The following IL5RA variants were observed in gnomAD, a reference collection of about 807,000 sequenced individuals.
IL5RA encodes interleukin 5 receptor subunit alpha.
Under a neutral mutation model 50.0 loss-of-function variants are expected in IL5RA, and 49 were observed. The observed-to-expected ratio is 0.98, with a 90% CI of 0.78 to 1.24. IL5RA has a LOEUF of 1.24. IL5RA is among the 50% of genes most tolerant of loss of function. The probability of loss-of-function intolerance (pLI) is 0.00; values close to 1 mark genes in which losing one functional copy is unlikely to be tolerated. For synonymous variants in IL5RA, 202 were observed against 174.0 expected (o/e 1.16, Z -1.26); for missense variants, 600 against 500.4 (o/e 1.20, Z -1.90).
chr3:3,087,330 C>T (rs956675922), intron 9 of IL5RA, among the ~76,000 whole-genome samples: 4 of 152,142 alleles, frequency 2.6e-5, no homozygotes, highest in Admixed American at 6.5e-5. Context: ...TAACTATACC[C>T]CCTCCCTGCT....
In IL5RA at chr3:3,095,163, A is replaced by G. The variant is rs1386581278; in HGVS notation, c.855+136T>C. ...TTATATCTATTTGGTTATATCTATAATACCTGGGTAGATTAAGTTAACTTT... is the reference window on the plus strand; with the variant it reads ...TTATATCTATTTGGTTATATCTATAGTACCTGGGTAGATTAAGTTAACTTT... On this transcript the variant is annotated intron_variant, in intron 8 of 11. Transcript: ENST00000446632. 4.7e-6 allele frequency: 3 copies of G among 637,292 alleles called. No individual in the cohort carries two copies. In the East Asian group the frequency reaches 8.1e-5, roughly 17 times the overall value. 39.5% of individuals were successfully genotyped at this position (637,292 alleles called of 1,614,324 possible). A position where few individuals can be genotyped will look rare whatever the true frequency, so the allele number is the denominator to read the frequency against.
At chr3:3,078,410 T>A (rs1025774318) in intron 9 of IL5RA, among the ~76,000 whole-genome samples, 1 of 152,214 alleles carries the variant, frequency 6.6e-6, no homozygotes, top group Non-Finnish European at 1.5e-5. Flanking sequence ...AGTTTTAATC[T>A]CCTTCTTCAT....
intron 7 of IL5RA, among the ~76,000 whole-genome samples, chr3:3,096,353 C>T (rs978415532): frequency 6.6e-6 from 1 of 151,106 alleles, no homozygotes; most frequent in Non-Finnish European, 1.5e-5. Flanking sequence ...ACTCTAATGT[C>T]CTTTCCCTTG....
chr3:3,105,375 C>T (rs911381276), intron 2 of IL5RA: 1 of 155,204 alleles, frequency 6.4e-6, no homozygotes, highest in African/African-American at 2.4e-5. Flanking sequence ...GAGAAGGAAA[C>T]AAATAGGAAG....
chr3:3,068,675 G>A lies in IL5RA; in HGVS notation c.*1550C>T, dbSNP rs1294594016. On this transcript the variant is annotated 3_prime_UTR_variant, in exon 12 of 12. Coordinates refer to ENST00000446632, the MANE Select transcript of IL5RA (RefSeq NM_175726.4). Reference sequence around the variant, plus strand: ...CATTTTAAACATTTTGCCAACTATTGCAGCACCTCCATGGGTGTTGCCTTC... The same window carrying A: ...CATTTTAAACATTTTGCCAACTATTACAGCACCTCCATGGGTGTTGCCTTC... 2 of 149,632 alleles carry A rather than the reference G, an allele frequency of 1.3e-5. No homozygotes were observed. Among genetic ancestry groups the A allele is most frequent in the African/African-American group, 5.0e-5 (2 of 40,080 alleles). 9.3% of individuals were successfully genotyped at this position (149,632 alleles called of 1,614,324 possible).
intron 9 of IL5RA, among the ~76,000 whole-genome samples, chr3:3,084,847 G>A (rs1175747938): frequency 6.6e-6 from 1 of 152,264 alleles, no homozygotes; most frequent in Non-Finnish European, 1.5e-5. Flanking sequence ...AAAAGATGAT[G>A]TAGATGAATA....
chr3:3,102,498 C>A (rs1429149806), intron 4 of IL5RA, among the ~76,000 whole-genome samples, 177 bp downstream of exon 4: 1 of 152,202 alleles, frequency 6.6e-6, no homozygotes, highest in African/African-American at 2.4e-5. Context: ...TAACGCTGAA[C>A]AATACACCCG....
intron 3 of IL5RA, among the ~76,000 whole-genome samples, chr3:3,104,083 G>T: frequency 6.6e-6 from 1 of 152,126 alleles, no homozygotes; most frequent in Non-Finnish European, 1.5e-5. Context: ...CTGTTGCCCA[G>T]GCTGGAGGGC....
At chr3:3,109,752 C>T (rs1704098609) in intron 1 of IL5RA, among the ~76,000 whole-genome samples, 193 bp downstream of exon 1, 1 of 152,044 alleles carries the variant, frequency 6.6e-6, no homozygotes, top group South Asian at 2.1e-4. Flanking sequence ...TTTTGTTTCC[C>T]CTTTTTGTTG....
intron 7 of IL5RA, among the ~76,000 whole-genome samples, chr3:3,096,233 G>A (rs1465336254): frequency 3.3e-5 from 5 of 151,064 alleles, no homozygotes; most frequent in South Asian, 2.1e-4. Flanking sequence ...AGCCGAGATC[G>A]CGCCACTGCA....
At chr3:3,104,675 A>T (rs1003523717) in intron 3 of IL5RA, among the ~76,000 whole-genome samples, 2 of 152,156 alleles carry the variant, frequency 1.3e-5, no homozygotes, top group African/African-American at 4.8e-5. Context: ...CCGGACACCC[A>T]CACTTTGACT....
At chr3:3,096,252 T>C (rs1344736013) in intron 7 of IL5RA, among the ~76,000 whole-genome samples, 1 of 146,946 alleles carries the variant, frequency 6.8e-6, no homozygotes, top group Admixed American at 6.9e-5. Context: ...CACTCCAACC[T>C]GGGTGACAGA....
In IL5RA at chr3:3,098,032, G is replaced by C; in HGVS notation, c.547C>G (p.Gln183Glu). ...YRYGSWTEECQEYSKDTLGRN... is the reference protein window; with the variant it reads ...YRYGSWTEECEEYSKDTLGRN... Reference sequence around the variant, plus strand: ...CCCAGTGTGTCTTTGCTGTATTCTTGGCATTCTTCAGTCCAAGAGCCATAC... The same window carrying C: ...CCCAGTGTGTCTTTGCTGTATTCTTCGCATTCTTCAGTCCAAGAGCCATAC... Residue 183 changes from glutamine to glutamate, a missense_variant, in exon 7 of 12, where the codon CAA (glutamine) becomes GAA (glutamate). Gln to Glu is a conservative substitution (Grantham distance 29). Coordinates refer to ENST00000446632, the MANE Select transcript of IL5RA (RefSeq NM_175726.4). The C allele has an allele frequency of 6.2e-7, 1 of 1,614,156 alleles. No individual in the cohort carries two copies. Among genetic ancestry groups the C allele is most frequent in the Non-Finnish European group, 8.5e-7 (1 of 1,180,032 alleles).
At chr3:3,085,950 G>A (rs774251681) in intron 9 of IL5RA, among the ~76,000 whole-genome samples, 2 of 149,502 alleles carry the variant, frequency 1.3e-5, no homozygotes, top group African/African-American at 2.6e-5. Context: ...GAAAATTGCT[G>A]TGACCTCATG....
chr3:3,099,647 A>G (rs985684232), intron 5 of IL5RA, among the ~76,000 whole-genome samples: 10 of 105,812 alleles, frequency 9.5e-5, no homozygotes, highest in African/African-American at 4.0e-4. Context: ...AAACCTTCAG[A>G]TTTTATTTTA....
At chr3:3,097,801 A>G (rs950498882) in intron 7 of IL5RA, 69 bp downstream of exon 7, 8 of 1,509,854 alleles carry the variant, frequency 5.3e-6, no homozygotes, top group Middle Eastern at 1.8e-4. Flanking sequence ...GGTGATCTTT[A>G]TAACCCTTCC....
chr3:3,094,242 A>T (rs922860557), intron 8 of IL5RA, among the ~76,000 whole-genome samples: 1 of 152,130 alleles, frequency 6.6e-6, no homozygotes, highest in African/African-American at 2.4e-5. Context: ...CAAAACTGGA[A>T]CTCTGTACCC....
rs760670295 is a variant in IL5RA at position 3,068,587 on chromosome 3, C to CAAAAAAAAAAAAAAA, written c.*1623_*1637dup. ...AAGACTGTCTCCACCACCCACCCCA[C>CAAAAAAAAAAAAAAA]AAAAAAAAAAAAAAAAAAAAACAAA... On this transcript the variant is annotated 3_prime_UTR_variant, in exon 12 of 12. Transcript: ENST00000446632. 1.7e-4 allele frequency: 6 copies of CAAAAAAAAAAAAAAA among 35,608 alleles called. No homozygotes were observed. The highest frequency in any genetic ancestry group is 5.3e-4 in the African/African-American group (6 of 11,354). The allele number at this position is 35,608 out of a possible 1,614,324, so 2.2% of individuals were successfully genotyped here.
rs11368507 is a variant in IL5RA at position 3,105,631 on chromosome 3, C to CT, written c.-3-645_-3-644insA. 3 of 142,998 alleles carry CT rather than the reference C, an allele frequency of 2.1e-5. 1 individual carries two copies. Among genetic ancestry groups the CT allele is most frequent in the African/African-American group, 5.2e-5 (2 of 38,516 alleles). 8.9% of individuals were successfully genotyped at this position (142,998 alleles called of 1,614,324 possible). On this transcript the variant is annotated intron_variant, in intron 2 of 11. Transcript: ENST00000446632. ...TTTGTTGATTTGTTTTGTTCCCCCC[C>CT]CCACCCCGCAAAGGGAGCGGATCAC...
Sources: allele counts gnomAD v4.1 joint callset (sites outside exome capture counted in the v4.1 genomes callset), GRCh38; gene constraint gnomAD v4.1.1; transcripts MANE v1.5; gene names NCBI Gene and HGNC (gene_info 2026-07-23, HGNC 2026-07-21).